Variants in SEC24A observed in about 807,000 individuals in gnomAD.
SEC24A encodes SEC24 homolog A, COPII component, also known as protein transport protein Sec24A.
Under a neutral mutation model 129.4 loss-of-function variants are expected in SEC24A, and 93 were observed. The observed-to-expected ratio is 0.72, with a 90% CI of 0.61 to 0.85. The LOEUF is 0.85. Among genes scored for constraint, SEC24A ranks in the 40% least tolerant of loss-of-function variants. The pLI is 0.00. For synonymous variants in SEC24A, 460 were observed against 467.3 expected (o/e 0.98, Z 0.20); for missense variants, 1,264 against 1,307.4 (o/e 0.97, Z 0.51).
At chr5:134,660,875 A>G (rs980667016) in intron 1 of SEC24A, among the ~76,000 whole-genome samples, 69 of 152,082 alleles carry the variant, frequency 4.5e-4, no homozygotes, top group African/African-American at 1.5e-3. Flanking sequence ...GTTTTGATTT[A>G]CATTTCTGTT....
intron 9 of SEC24A, among the ~76,000 whole-genome samples, chr5:134,685,067 A>G (rs375120722): frequency 1.5e-3 from 229 of 152,228 alleles, no homozygotes; most frequent in African/African-American, 5.3e-3. Flanking sequence ...TGTTCAGAAA[A>G]ACACAGTAAA....
At chr5:134,649,821 T>C (rs1438231599) in intron 1 of SEC24A, among the ~76,000 whole-genome samples, 1 of 152,240 alleles carries the variant, frequency 6.6e-6, no homozygotes, top group Non-Finnish European at 1.5e-5. Context: ...ATGTACATTA[T>C]AGTTTGTCAT....
In SEC24A at chr5:134,674,612, T is replaced by C. The variant is rs775564313; in HGVS notation, c.818-3T>C. On this transcript the variant is annotated splice_region_variant and splice_polypyrimidine_tract_variant and intron_variant, in intron 4 of 22. Coordinates refer to ENST00000398844, the MANE Select transcript of SEC24A (RefSeq NM_021982.3). Reference sequence around the variant, plus strand: ...TAGAACTTAAAAGTTACCTTGTTTCTAGCAACACCACAGCTTACTAACAAG... The same window carrying C: ...TAGAACTTAAAAGTTACCTTGTTTCCAGCAACACCACAGCTTACTAACAAG... The C allele has an allele frequency of 1.2e-6, 2 of 1,609,918 alleles. No individual in the cohort carries two copies. Among genetic ancestry groups the C allele is most frequent in the Middle Eastern group, 1.7e-4 (1 of 6,034 alleles).
intron 3 of SEC24A, among the ~76,000 whole-genome samples, chr5:134,670,029 C>T (rs1750802787): frequency 6.6e-6 from 1 of 152,136 alleles, no homozygotes; most frequent in Admixed American, 6.6e-5. Flanking sequence ...CAGGTTCAAG[C>T]GATTCTTGTG....
chr5:134,703,402 G>C (rs1345819135), intron 15 of SEC24A, among the ~76,000 whole-genome samples: 1 of 152,020 alleles, frequency 6.6e-6, no homozygotes, highest in Non-Finnish European at 1.5e-5. Context: ...TGAGTAGCTG[G>C]GATTGCAGGC....
At chr5:134,673,470 T>C (rs1349722141) in intron 4 of SEC24A, among the ~76,000 whole-genome samples, 1 of 152,188 alleles carries the variant, frequency 6.6e-6, no homozygotes, top group Admixed American at 6.5e-5. Context: ...TTTTTGTTTT[T>C]GTTTTTGTTT....
intron 2 of SEC24A, among the ~76,000 whole-genome samples, chr5:134,664,070 C>T (rs1165230449): frequency 2.0e-5 from 3 of 151,782 alleles, no homozygotes; most frequent in Non-Finnish European, 4.4e-5. Context: ...GAGATTGCAC[C>T]ACTACCTTCA....
intron 3 of SEC24A, among the ~76,000 whole-genome samples, chr5:134,669,379 TG>T (rs1438149103): frequency 1.3e-5 from 2 of 151,840 alleles, no homozygotes; most frequent in Non-Finnish European, 2.9e-5. Context: ...TTGGTCAGGC[TG>T]GTCTCGAACT....
intron 3 of SEC24A, among the ~76,000 whole-genome samples, chr5:134,667,253 A>G (rs1433732365): frequency 2.0e-5 from 3 of 152,088 alleles, no homozygotes; most frequent in Non-Finnish European, 4.4e-5. Flanking sequence ...TTTAAAAATC[A>G]TGGCTATAAA....
At chr5:134,706,663 C>A (rs1752169333) in intron 17 of SEC24A, among the ~76,000 whole-genome samples, 3 of 152,120 alleles carry the variant, frequency 2.0e-5, no homozygotes, top group Admixed American at 2.0e-4. Flanking sequence ...CCACACCCAG[C>A]TAACTAACAT....
At chr5:134,699,248 CT>C (rs990993900) in intron 15 of SEC24A, among the ~76,000 whole-genome samples, 317 of 142,360 alleles carry the variant, frequency 2.2e-3, no homozygotes, top group Middle Eastern at 7.6e-3. Context: ...TGCTTTTAAA[CT>C]TTTTTTTTTT....
At chr5:134,663,668 A>G (rs1193843589) in intron 2 of SEC24A, among the ~76,000 whole-genome samples, 1 of 152,084 alleles carries the variant, frequency 6.6e-6, no homozygotes, top group Non-Finnish European at 1.5e-5. Context: ...TATTTTTTTA[A>G]ATAATTTTAT....
At chr5:134,722,761 A>AT (rs1316258537) in intron 21 of SEC24A, among the ~76,000 whole-genome samples, 1 of 152,186 alleles carries the variant, frequency 6.6e-6, no homozygotes, top group Non-Finnish European at 1.5e-5. Flanking sequence ...CACTGCAGGA[A>AT]TTTTTTAGGA....
intron 7 of SEC24A, among the ~76,000 whole-genome samples, chr5:134,679,243 A>T (rs1165534078): frequency 6.8e-6 from 1 of 146,174 alleles, no homozygotes; most frequent in Non-Finnish European, 1.5e-5. Flanking sequence ...ATCTTTTGAG[A>T]GGGTCATGTT....
chr5:134,698,383 C>T (rs1320178702), intron 15 of SEC24A, among the ~76,000 whole-genome samples: 1 of 151,954 alleles, frequency 6.6e-6, no homozygotes, highest in African/African-American at 2.4e-5. Flanking sequence ...GCTGGTGGAT[C>T]GCTTGAGCCC....
chr5:134,657,182 G>GCACACACACACACACACACACA (rs70976550), intron 1 of SEC24A, among the ~76,000 whole-genome samples: 9 of 136,308 alleles, frequency 6.6e-5, no homozygotes, highest in African/African-American at 2.2e-4. Flanking sequence ...TCTGAAAAAC[G>GCACACACACACACACACACACA]CACACACACA....
intron 19 of SEC24A, chr5:134,715,441 G>T (rs1228576323): frequency 3.6e-6 from 1 of 278,442 alleles, no homozygotes; most frequent in Non-Finnish European, 6.6e-6. Context: ...CAAACAAATC[G>T]ATCTTTTAAC....
chr5:134,668,269 T>A (rs948273099), intron 3 of SEC24A, among the ~76,000 whole-genome samples: 1 of 152,182 alleles, frequency 6.6e-6, no homozygotes, highest in Admixed American at 6.6e-5. Flanking sequence ...TTAAGTATTA[T>A]AAGTCGGGAA....
intron 7 of SEC24A, 81 bp downstream of exon 7, chr5:134,676,206 C>G: frequency 1.0e-6 from 1 of 975,774 alleles, no homozygotes; most frequent in Non-Finnish European, 1.5e-6. Context: ...GTGACGCAGT[C>G]TCAGCTTATT....
Sources: allele counts gnomAD v4.1 joint callset (sites outside exome capture counted in the v4.1 genomes callset), GRCh38; gene constraint gnomAD v4.1.1; transcripts MANE v1.5; gene names NCBI Gene and HGNC (gene_info 2026-07-23, HGNC 2026-07-21).